CHD5: variants seen among roughly 807,000 people sequenced by gnomAD.
The protein encoded by CHD5 is ATP-dependent chromatin remodeler CHD5.
CHD5 carries 69 observed loss-of-function variants against 230.3 expected under a neutral mutation model. The observed-to-expected ratio is 0.30, with a 90% confidence interval of 0.25 to 0.37. The LOEUF (loss-of-function observed/expected upper bound fraction) is 0.37, where lower values mean the gene tolerates loss of function less well. CHD5 is among the 10% of genes least tolerant of loss of function. CHD5 has a pLI of 1.00. For synonymous variants in CHD5, 1,064 were observed against 1,065.9 expected (o/e 1.00, Z 0.03); for missense variants, 1,827 against 2,622.8 (o/e 0.70, Z 6.63).
chr1:6,171,365 C>A (rs1381063568), intron 1 of CHD5, among the ~76,000 whole-genome samples: 1 of 152,182 alleles, frequency 6.6e-6, no homozygotes, highest in Non-Finnish European at 1.5e-5. Flanking sequence ...GTGAAACCCA[C>A]CTCTGAGAAG....
Position 6,135,295 on chromosome 1 carries a change from G to A in CHD5, c.2805C>T (p.Asp935=), listed in dbSNP as rs138024085. ...GPHMLRRLKA[D]VFKNMPAKTE... ...TCTTGGCCGGCATGTTCTTGAACACGTCAGCCTTGAGCCGCCTGAGCATGT... is the reference window on the plus strand; with the variant it reads ...TCTTGGCCGGCATGTTCTTGAACACATCAGCCTTGAGCCGCCTGAGCATGT... The change falls in exon 18 of 42, where the codon GAC becomes GAT. Residue 935 remains aspartate, a synonymous_variant. Transcript: ENST00000262450. The A allele has an allele frequency of 5.5e-5, 89 of 1,614,160 alleles. 1 individual carries two copies. The African/African-American group carries it at 9.9e-4, about 18-fold the overall frequency.
rs1396565272 is a variant in CHD5, at chr1:6,106,274, G to A, written c.*6C>T. The A allele has an allele frequency of 5.6e-6, 9 of 1,612,722 alleles. No homozygotes were observed. In the Middle Eastern group the frequency reaches 4.9e-4, roughly 88 times the overall value. Reference sequence around the variant, plus strand: ...GCGCTGCAACACAGGGAAGTCTCGAGGACGGCTAGATATCTGTCAAAAAAA... The same window carrying A: ...GCGCTGCAACACAGGGAAGTCTCGAAGACGGCTAGATATCTGTCAAAAAAA... On this transcript the variant is annotated 3_prime_UTR_variant, in exon 41 of 42. Coordinates refer to ENST00000262450, the MANE Select transcript of CHD5 (RefSeq NM_015557.3).
intron 15 of CHD5, among the ~76,000 whole-genome samples, chr1:6,141,101 T>C (rs1332388145): frequency 1.3e-5 from 2 of 151,150 alleles, no homozygotes; most frequent in African/African-American, 4.9e-5. Context: ...CTGGGCAACA[T>C]GGTAAAACCC....
chr1:6,108,533 A>C (rs1666234115), intron 38 of CHD5, among the ~76,000 whole-genome samples: 1 of 143,480 alleles, frequency 7.0e-6, no homozygotes, highest in Admixed American at 6.9e-5. Flanking sequence ...GGGATGACGG[A>C]GAGATGGAAG....
intron 1 of CHD5, among the ~76,000 whole-genome samples, chr1:6,172,122 C>CAGGCTGGCCT (rs1487582997): frequency 6.6e-6 from 1 of 152,234 alleles, no homozygotes; most frequent in Non-Finnish European, 1.5e-5. Context: ...GTGGGACCCC[C>CAGGCTGGCCT]AGGCTGGCCT....
intron 1 of CHD5, among the ~76,000 whole-genome samples, chr1:6,176,728 AT>A (rs2100890991): frequency 6.6e-6 from 1 of 152,316 alleles, no homozygotes; most frequent in East Asian, 1.9e-4. Flanking sequence ...GTTCCTCATA[AT>A]AACCCTCTAT....
At position 6,139,887 on chromosome 1, in the gene CHD5, C is replaced by T. The variant is rs1037519776; in HGVS notation, c.2436+2241G>A. On this transcript the variant is annotated intron_variant, in intron 15 of 41. Coordinates refer to ENST00000262450, the MANE Select transcript of CHD5 (RefSeq NM_015557.3). ...GCGTCTGATGATCCAGGGGCTCATCCATCTACAAAGTCACCTGTGGGATCA... is the reference window on the plus strand; with the variant it reads ...GCGTCTGATGATCCAGGGGCTCATCTATCTACAAAGTCACCTGTGGGATCA... 2.0e-5 allele frequency among the ~76,000 whole-genome samples: 3 copies of T among 152,162 alleles called. 1 individual carries two copies. The highest frequency in any genetic ancestry group is 2.0e-4 in the Admixed American group (3 of 15,274).
At chr1:6,118,236 C>G (rs894931411) in intron 33 of CHD5, among the ~76,000 whole-genome samples, 1 of 151,766 alleles carries the variant, frequency 6.6e-6, no homozygotes, top group African/African-American at 2.4e-5. Context: ...ATTAGCCGGG[C>G]GTGTTAGCAT....
Position 6,175,816 on chromosome 1 carries a change from T to A in CHD5, c.79+4129A>T, listed in dbSNP as rs986006711. On this transcript the variant is annotated intron_variant, in intron 1 of 41. Transcript: ENST00000262450. ...AGATGTGGGAGAGCAGGTAGATACA[T>A]GGATACATGGATGCATGGATGGATG... Among the ~76,000 whole-genome samples, 30 of 146,242 alleles carry A rather than the reference T, an allele frequency of 2.1e-4. 1 individual carries two copies. Among genetic ancestry groups the A allele is most frequent in the African/African-American group, 7.4e-4 (29 of 39,314 alleles).
chr1:6,120,143 G>A (rs1666446074), intron 33 of CHD5, among the ~76,000 whole-genome samples: 1 of 152,078 alleles, frequency 6.6e-6, no homozygotes, highest in Middle Eastern at 3.2e-3. Context: ...TTACAGGTGT[G>A]AGCCACCATG....
chr1:6,180,083 CT>C lies in CHD5; in HGVS notation c.-61del. ...CCCTCCCGCCGGGCGCGGTGCCAGC[CT>C]TAACCCGTGCGCTGCCGGACCGGCG... On this transcript the variant is annotated 5_prime_UTR_variant, in exon 1 of 42. Coordinates refer to ENST00000262450, the MANE Select transcript of CHD5 (RefSeq NM_015557.3). 1.1e-6 allele frequency: 1 copy of C among 936,448 alleles called. No individual in the cohort carries two copies. The highest frequency in any genetic ancestry group is 4.4e-5 in the South Asian group (1 of 22,500). The allele number at this position is 936,448 out of a possible 1,614,324, so 58.0% of individuals were successfully genotyped here. A position where few individuals can be genotyped will look rare whatever the true frequency, so the allele number is the denominator to read the frequency against.
intron 2 of CHD5, 145 bp downstream of exon 2, chr1:6,168,005 C>G: frequency 1.0e-6 from 1 of 987,328 alleles, no homozygotes; most frequent in Admixed American, 2.5e-5. Context: ...ATACGAGAAA[C>G]TGGTTATGGT....
intron 38 of CHD5, among the ~76,000 whole-genome samples, chr1:6,109,007 C>T (rs555327725): frequency 2.0e-5 from 3 of 151,940 alleles, no homozygotes; most frequent in Non-Finnish European, 4.4e-5. Context: ...TTGCCCAGAA[C>T]CGGGCACCAG....
At position 6,121,710 on chromosome 1, in the gene CHD5, A is replaced by T; in HGVS notation, c.4700-137T>A. 1.6e-6 allele frequency: 1 copy of T among 623,694 alleles called. No individual in the cohort carries two copies. The allele number at this position is 623,694 out of a possible 1,614,324, so 38.6% of individuals were successfully genotyped here. ...CTGCAGCCAAGCACCTCCAGGAGAG[A>T]CAAGCAGGATCCCCGGCTAAGTCAG... On this transcript the variant is annotated intron_variant, in intron 31 of 41. Transcript: ENST00000262450. The surrounding 1 kb of genome is among the most constrained non-coding windows in gnomAD (Gnocchi z 4.5).
chr1:6,121,141 C>T lies in CHD5; in HGVS notation c.4876G>A (p.Glu1626Lys). The T allele has an allele frequency of 6.2e-7, 1 of 1,612,774 alleles. No homozygotes were observed. Among genetic ancestry groups the T allele is most frequent in the Non-Finnish European group, 8.5e-7 (1 of 1,179,506 alleles). ...TGCTCCGGGGAGGGCGGGGCCTTCTCCGTCTCCTCTGGCCGCTCCTCTCGG... is the reference window on the plus strand; with the variant it reads ...TGCTCCGGGGAGGGCGGGGCCTTCTTCGTCTCCTCTGGCCGCTCCTCTCGG... ...RAREERPEET[E>K]KAPPSPEQLP... is the part of the protein sequence containing the mutation. Residue 1626 changes from glutamate (E) to lysine (K), a missense_variant, in exon 33 of 42, where the codon GAG becomes AAG. Glu to Lys is a moderately conservative substitution (Grantham distance 56). Around this residue, in one of 14 missense-constraint regions of CHD5, gnomAD observed 272 missense variants for 263.2 expected, o/e 1.03. Transcript: ENST00000262450. This position sits in a 1 kb window ranked among gnomAD's most constrained non-coding sequence, Gnocchi z 4.5.
In CHD5 at chr1:6,121,120, C is replaced by T. The variant is rs747866802; in HGVS notation, c.4897G>A (p.Glu1633Lys). 1.4e-5 allele frequency: 22 copies of T among 1,604,744 alleles called. No homozygotes were observed. In the East Asian group the frequency reaches 4.9e-4, roughly 36 times the overall value. Residue 1633 changes from glutamate (E) to lysine (K), a missense_variant, in exon 33 of 42, where the codon GAG (glutamate) becomes AAG (lysine). This residue lies in a region of CHD5 where 272 missense variants were observed against 263.2 expected (regional missense o/e 1.03). Transcript: ENST00000262450. The surrounding 1 kb of genome is among the most constrained non-coding windows in gnomAD (Gnocchi z 4.5). Reference sequence around the variant, plus strand: ...AAGCCCCAACCTCTCGGCAGCTGCTCCGGGGAGGGCGGGGCCTTCTCCGTC... The same window carrying T: ...AAGCCCCAACCTCTCGGCAGCTGCTTCGGGGAGGGCGGGGCCTTCTCCGTC... ...EETEKAPPSPEQLPREEVLPE... is the reference protein window; with the variant it reads ...EETEKAPPSPKQLPREEVLPE...
At position 6,154,707 on chromosome 1, in the gene CHD5, A is replaced by C. The variant is rs1472944465; in HGVS notation, c.698T>G (p.Val233Gly). Residue 233 changes from valine (V) to glycine (G), a missense_variant, in exon 5 of 42, where the codon GTG becomes GGG. Val to Gly is a moderately radical substitution (Grantham distance 109). Transcript: ENST00000262450. The surrounding 1 kb of genome is among the most constrained non-coding windows in gnomAD (Gnocchi z 7.0). Reference protein sequence around the residue: ...SPPLAVSPPQVPQPVPIRKAK... With the variant: ...SPPLAVSPPQGPQPVPIRKAK... Reference sequence around the variant, plus strand: ...CTTGCGGATAGGCACAGGCTGGGGCACCTGCGGGGGGCTGACGGCTAGCGG... The same window carrying C: ...CTTGCGGATAGGCACAGGCTGGGGCCCCTGCGGGGGGCTGACGGCTAGCGG... 7.5e-6 allele frequency: 12 copies of C among 1,602,168 alleles called. No individual in the cohort carries two copies. In the Admixed American group the frequency reaches 2.0e-4, roughly 27 times the overall value.
Position 6,121,337 on chromosome 1 carries a change from C to T in CHD5, c.4780-100G>A, listed in dbSNP as rs922484582. 7.4e-5 allele frequency: 114 copies of T among 1,531,494 alleles called. No homozygotes were observed. The highest frequency in any genetic ancestry group is 6.6e-5 in the Non-Finnish European group (75 of 1,128,294). The allele number at this position is 1,531,494 out of a possible 1,614,324, so 94.9% of individuals were successfully genotyped here. On this transcript the variant is annotated intron_variant, in intron 32 of 41. Coordinates refer to ENST00000262450, the MANE Select transcript of CHD5 (RefSeq NM_015557.3). This position sits in a 1 kb window ranked among gnomAD's most constrained non-coding sequence, Gnocchi z 4.5. ...GCTGGGAACCCAGTCTCCTGGCTCC[C>T]GTCGCTTGCTCCTAGCCTGCTCCCC...
intron 33 of CHD5, among the ~76,000 whole-genome samples, chr1:6,115,770 C>A (rs114991586): frequency 1.1e-3 from 166 of 152,300 alleles, no homozygotes; most frequent in African/African-American, 3.5e-3. Flanking sequence ...ATGTCCTGAA[C>A]CTTGTGATAT....
Sources: gnomAD v4.1 joint callset for allele counts (sites outside exome capture counted in the v4.1 genomes callset) on GRCh38, gnomAD v4.1.1 for gene constraint, gnomAD v4.1.1 regional missense constraint, Gnocchi (gnomAD v3.1) non-coding constraint, MANE v1.5 for transcripts, NCBI Gene and HGNC (gene_info 2026-07-23, HGNC 2026-07-21) for gene names.